CHD8: variants seen among roughly 807,000 people sequenced by gnomAD.
CHD8 encodes the protein chromodomain helicase DNA binding protein 8.
A neutral mutation model predicts 279.2 loss-of-function variants in CHD8; 31 were observed. The ratio of observed to expected loss-of-function variants is 0.11; its 90% CI spans 0.08 to 0.15. The LOEUF is 0.15. CHD8 is among the 10% of genes least tolerant of loss of function. The probability of loss-of-function intolerance (pLI) is 1.00; values close to 1 mark genes in which losing one functional copy is unlikely to be tolerated. For synonymous variants in CHD8, 1,081 were observed against 1,139.6 expected (o/e 0.95, Z 1.04); for missense variants, 2,146 against 3,230.5 (o/e 0.66, Z 8.14).
At chr14:21,444,774 A>G (rs1016297160) in intron 1 of CHD8, among the ~76,000 whole-genome samples, 2 of 151,972 alleles carry the variant, frequency 1.3e-5, no homozygotes, top group African/African-American at 4.8e-5. Context: ...TTGGTCCTAG[A>G]CCTTCTTTTC....
intron 2 of CHD8, chr14:21,429,547 G>A: frequency 2.9e-6 from 2 of 691,826 alleles, no homozygotes; most frequent in Non-Finnish European, 5.3e-6. Context: ...CTAGAGTGCA[G>A]TGGCTATTCA....
intron 16 of CHD8, chr14:21,404,894 T>C: frequency 3.4e-6 from 1 of 293,332 alleles, no homozygotes; most frequent in Non-Finnish European, 6.4e-6. Flanking sequence ...TGCAGTGGTG[T>C]GATCTCGGCT....
chr14:21,389,984 C>T (rs943100851), intron 37 of CHD8, among the ~76,000 whole-genome samples: 1 of 152,102 alleles, frequency 6.6e-6, no homozygotes, highest in African/African-American at 2.4e-5. Flanking sequence ...CCTGTAATCC[C>T]AGTACTTCAG....
chr14:21,414,200 G>A, intron 9 of CHD8, 101 bp downstream of exon 9: 4 of 695,530 alleles, frequency 5.8e-6, no homozygotes, highest in East Asian at 2.7e-5. Context: ...CCCATATATA[G>A]AAACCAATTA....
chr14:21,431,578 A>T lies in CHD8; in HGVS notation c.66T>A (p.Asp22Glu). ...PNLFGLDSLT[D>E]DSFNQVTQDP... ...CTTGTGTGACCTGGTTAAAGCTGTC[A>T]TCAGTCAGAGAGTCCAGGCCAAATA... is the stretch of plus-strand genomic sequence containing the variant. Residue 22 changes from aspartate to glutamate, a missense_variant, in exon 2 of 38, where the codon GAT (aspartate) becomes GAA (glutamate). Coordinates refer to ENST00000646647, the MANE Select transcript of CHD8 (RefSeq NM_001170629.2). 1 of 1,537,262 alleles carries T rather than the reference A, an allele frequency of 6.5e-7. No individual in the cohort carries two copies. The highest frequency in any genetic ancestry group is 1.2e-5 in the South Asian group (1 of 84,054).
At position 21,426,077 on chromosome 14, in the gene CHD8, G is replaced by A. The variant is rs1015750618; in HGVS notation, c.1716+51C>T. ...TCTCAATATCTGCTTGGCTTGGTTA[G>A]CCATAATTAAACATGGTTTTTTCTA... On this transcript the variant is annotated intron_variant, in intron 5 of 37. Transcript: ENST00000646647. 9 of 1,082,660 alleles carry A rather than the reference G, an allele frequency of 8.3e-6. No individual in the cohort carries two copies. In the Admixed American group the frequency reaches 1.8e-4, roughly 21 times the overall value. The allele number at this position is 1,082,660 out of a possible 1,614,324, so 67.1% of individuals were successfully genotyped here.
At chr14:21,419,929 G>A (rs141029677) in intron 5 of CHD8, 2,853 of 236,208 alleles carry the variant, frequency 0.012, 23 homozygotes, top group Non-Finnish European at 0.02. Context: ...TAGTCGGGCC[G>A]TGAGGAATCA....
At chr14:21,439,012 A>G (rs1889889365) in intron 1 of CHD8, among the ~76,000 whole-genome samples, 1 of 151,878 alleles carries the variant, frequency 6.6e-6, no homozygotes, top group South Asian at 2.1e-4. Flanking sequence ...CTGTAGTCCC[A>G]GCTACTGGGG....
chr14:21,397,709 G>T, intron 27 of CHD8, 114 bp downstream of exon 27: 1 of 1,102,030 alleles, frequency 9.1e-7, no homozygotes, highest in Non-Finnish European at 1.3e-6. Flanking sequence ...TTTTTGCTAA[G>T]GATCTATCAC....
chr14:21,447,977 T>G (rs1272950955), intron 1 of CHD8, among the ~76,000 whole-genome samples: 1 of 152,196 alleles, frequency 6.6e-6, no homozygotes, highest in Non-Finnish European at 1.5e-5. Flanking sequence ...CGATCCAACA[T>G]AAGTAACAAT....
Position 21,385,557 on chromosome 14 carries a change from G to T in CHD8, c.*56C>A. 6.6e-7 allele frequency: 1 copy of T among 1,511,682 alleles called. No homozygotes were observed. The highest frequency in any genetic ancestry group is 1.4e-5 in the African/African-American group (1 of 72,476). The allele number at this position is 1,511,682 out of a possible 1,614,324, so 93.6% of individuals were successfully genotyped here. On this transcript the variant is annotated 3_prime_UTR_variant, in exon 38 of 38. Transcript: ENST00000646647. ...CCTCCCACGTTTCCATAGTCCAAGG[G>T]CCAGAGTAAATGAAAATACAGCAGC...
At chr14:21,391,391 C>T (rs1594326779) in intron 36 of CHD8, 72 bp downstream of exon 36, 1 of 1,406,732 alleles carries the variant, frequency 7.1e-7, no homozygotes, top group East Asian at 2.3e-5. Context: ...GTATGTCATG[C>T]TTTCTCTTTC....
rs371194475 is a variant in CHD8, at chr14:21,429,246, T to C, written c.933A>G (p.Pro311=). ...GGTTGCCCTGTAACACTATCTTGCC[T>C]GGTAGACTCCCTAGCACAACATGCC... The part of the protein sequence containing the change: ...GHRHVVLGSL[P]GKIVLQGNQL... The change falls in exon 3 of 38, where the codon CCA becomes CCG. Residue 311 remains proline (P), a synonymous_variant. Transcript: ENST00000646647. 39 of 1,613,684 alleles carry C rather than the reference T, an allele frequency of 2.4e-5. No homozygotes were observed. Among genetic ancestry groups the C allele is most frequent in the Non-Finnish European group, 3.1e-5 (37 of 1,179,756 alleles).
At chr14:21,437,386 C>A (rs1889833169) in intron 1 of CHD8, 7 of 476,170 alleles carry the variant, frequency 1.5e-5, no homozygotes, top group Non-Finnish European at 2.0e-5. Flanking sequence ...CTCCCTTCCC[C>A]CTCCCCCGCA....
intron 9 of CHD8, chr14:21,413,770 C>T (rs1486773290): frequency 6.5e-6 from 1 of 153,664 alleles, no homozygotes; most frequent in African/African-American, 2.4e-5. Flanking sequence ...TCCATCCATT[C>T]CACTTTTTCT....
In CHD8 at chr14:21,392,822, A is replaced by G; in HGVS notation, c.6469-13T>C. On this transcript the variant is annotated splice_polypyrimidine_tract_variant and intron_variant, in intron 33 of 37. Transcript: ENST00000646647. The stretch of plus-strand genomic sequence containing the variant: ...TCAGGACACGATCCTGAATGGGGAA[A>G]GAAAGAAATACCATTTTAAGAGTCT... 1 of 1,612,194 alleles carries G rather than the reference A, an allele frequency of 6.2e-7. No individual in the cohort carries two copies. The highest frequency in any genetic ancestry group is 1.7e-5 in the Admixed American group (1 of 59,950).
chr14:21,387,573 G>C (rs925250454), intron 37 of CHD8, among the ~76,000 whole-genome samples: 1 of 151,380 alleles, frequency 6.6e-6, no homozygotes, highest in Non-Finnish European at 1.5e-5. Flanking sequence ...GGCGGAGATC[G>C]CGGTGAGCAG....
chr14:21,437,071 G>GGGGT, intron 1 of CHD8: 1 of 725,076 alleles, frequency 1.4e-6, no homozygotes. Context: ...CGGGGGGTGG[G>GGGGT]GGGTGTGGAT....
At chr14:21,447,560 C>T (rs1337391657) in intron 1 of CHD8, among the ~76,000 whole-genome samples, 1 of 151,906 alleles carries the variant, frequency 6.6e-6, no homozygotes, top group South Asian at 2.1e-4. Flanking sequence ...TTAGTAGAGA[C>T]GGGGTTTAAC....
Sources: gnomAD v4.1 joint callset for allele counts (sites outside exome capture counted in the v4.1 genomes callset) on GRCh38, gnomAD v4.1.1 for gene constraint, MANE v1.5 for transcripts, NCBI Gene and HGNC (gene_info 2026-07-23, HGNC 2026-07-21) for gene names.